The following TM2D2 variants were observed in gnomAD, a reference collection of about 807,000 sequenced individuals.
The protein encoded by TM2D2 is TM2 domain containing 2.
TM2D2 carries 19 observed loss-of-function variants against 23.0 expected under a neutral mutation model. That is an observed-to-expected ratio of 0.82 (90% CI 0.58 to 1.21). TM2D2 has a LOEUF of 1.21. TM2D2 is among the 50% of genes most tolerant of loss of function. The pLI, the probability that TM2D2 is intolerant of heterozygous loss-of-function variation, is 0.00. For missense variants in TM2D2, 246 were observed against 265.4 expected, an observed-to-expected ratio of 0.93 and a Z score of 0.51; for synonymous variants, 120 against 108.8, an observed-to-expected ratio of 1.10 and a Z score of -0.64.
chr8:38,994,482 G>T (rs1022990631), intron 2 of TM2D2, among the ~76,000 whole-genome samples: 1 of 152,146 alleles, frequency 6.6e-6, no homozygotes. Flanking sequence ...ATTATCAACA[G>T]AGTAAAATTT....
Position 38,990,785 on chromosome 8 carries a change from G to C in TM2D2, c.*547C>G, listed in dbSNP as rs1835578090. 1 of 153,978 alleles carries C rather than the reference G, an allele frequency of 6.5e-6. No individual in the cohort carries two copies. Among genetic ancestry groups the C allele is most frequent in the African/African-American group, 2.4e-5 (1 of 41,430 alleles). The allele number at this position is 153,978 out of a possible 1,614,324, so 9.5% of individuals were successfully genotyped here. A position where few individuals can be genotyped will look rare whatever the true frequency, so the allele number is the denominator to read the frequency against. On this transcript the variant is annotated 3_prime_UTR_variant, in exon 4 of 4. Transcript: ENST00000456397. ...TAATTTTGAGTTTATTCCCCCTACT[G>C]AAAATACTCATACAGTACTCCAAGT... is the stretch of plus-strand genomic sequence containing the variant.
chr8:38,990,975 T>G lies in TM2D2; in HGVS notation c.*357A>C. On this transcript the variant is annotated 3_prime_UTR_variant, in exon 4 of 4. Transcript: ENST00000456397. ...GGAACATGGATCCAAATATTCATTTTGCTCAACTTGTTAGGTCCACTTGCT... is the reference window on the plus strand; with the variant it reads ...GGAACATGGATCCAAATATTCATTTGGCTCAACTTGTTAGGTCCACTTGCT... 1 of 242,882 alleles carries G rather than the reference T, an allele frequency of 4.1e-6. No homozygotes were observed. Among genetic ancestry groups the G allele is most frequent in the Admixed American group, 5.1e-5 (1 of 19,526 alleles). The allele number at this position is 242,882 out of a possible 1,614,324, so 15.0% of individuals were successfully genotyped here.
At position 38,996,410 on chromosome 8, in the gene TM2D2, G is replaced by C; in HGVS notation, c.30C>G (p.Tyr10Ter). 6.2e-7 allele frequency: 1 copy of C among 1,614,192 alleles called. No individual in the cohort carries two copies. The highest frequency in any genetic ancestry group is 8.5e-7 in the Non-Finnish European group (1 of 1,180,042). ...AAGCCGCCTGGCCGCACAGAAGTAA[G>C]TAACTAACCGGGCAACCACCTAGCA... MVLGGCPVS[Y>*]LLLCGQAALL... The change falls in exon 1 of 4, where the codon TAC becomes TAG. Residue 10 changes from tyrosine to a stop codon, truncating the protein, a stop_gained. Transcript: ENST00000456397. LOFTEE classifies it high-confidence loss of function.
rs142263251 is a variant in TM2D2 at position 38,994,662 on chromosome 8, C to T, written c.315+656G>A. On this transcript the variant is annotated intron_variant, in intron 2 of 3. Transcript: ENST00000456397. ...TGCATTATGTGGCATAATAGGATGG[C>T]GAGTCCATGGTGGGGAGGAGATACA... Among the ~76,000 whole-genome samples, 174 of 152,180 alleles carry T rather than the reference C, an allele frequency of 1.1e-3. 4 individuals are homozygous for T. In the East Asian group the frequency reaches 0.025, roughly 22 times the overall value.
At chr8:38,993,510 C>T in intron 3 of TM2D2, 35 bp downstream of exon 3, 1 of 1,510,518 alleles carries the variant, frequency 6.6e-7, no homozygotes, top group Non-Finnish European at 9.2e-7. Flanking sequence ...TACCTCCAAC[C>T]AAGTACCAAC....
chr8:38,992,472 C>T (rs1835631892), intron 3 of TM2D2, among the ~76,000 whole-genome samples: 1 of 143,440 alleles, frequency 7.0e-6, no homozygotes, highest in Non-Finnish European at 1.5e-5. Flanking sequence ...GGCAATGGAA[C>T]AAGACCCCAT....
chr8:38,996,986 C>T (rs757772999), upstream of TM2D2: 10 of 1,544,184 alleles, frequency 6.5e-6, no homozygotes, highest in African/African-American at 8.2e-5. Flanking sequence ...CTTGGGGCCC[C>T]GGCAGGGTTG....
chr8:38,992,459 C>A (rs949238490), intron 3 of TM2D2, among the ~76,000 whole-genome samples: 3 of 150,702 alleles, frequency 2.0e-5, no homozygotes, highest in African/African-American at 7.3e-5. Context: ...ACACTCCAGC[C>A]TGGGCAATGG....
intron 2 of TM2D2, chr8:38,995,037 AGGG>A (rs1835714793): frequency 9.0e-6 from 3 of 333,426 alleles, no homozygotes; most frequent in African/African-American, 6.5e-5. Flanking sequence ...AAGGAGAGTC[AGGG>A]GTGACATTTT....
chr8:38,995,362 C>T lies in TM2D2; in HGVS notation c.271G>A (p.Gly91Arg). The T allele has an allele frequency of 6.2e-7, 1 of 1,607,088 alleles. No individual in the cohort carries two copies. Among genetic ancestry groups the T allele is most frequent in the Non-Finnish European group, 8.5e-7 (1 of 1,177,918 alleles). ...AGTTCCTGGGATGCAGTTGCATTTC[C>T]AACATGATCCACTGGGTCTTCACAT... ...IECEDPVDHV[G>R]NATASQELGY... Residue 91 changes from glycine (G) to arginine (R), a missense_variant, in exon 2 of 4, where the codon GGA becomes AGA. By Grantham distance (125) the Gly-to-Arg change is moderately radical (BLOSUM62 -2). Transcript: ENST00000456397.
intron 1 of TM2D2, chr8:38,995,623 T>G: frequency 6.9e-7 from 1 of 1,442,586 alleles, no homozygotes. Context: ...GGGAGGTGTT[T>G]CTGGTCCTGT....
Position 38,995,311 on chromosome 8 carries a change from A to C in TM2D2, c.315+7T>G. Reference sequence around the variant, plus strand: ...GGGTTTGCTCTTACGACAAAACAAAAACTCACCTTGAGACAACCATAACCA... The same window carrying C: ...GGGTTTGCTCTTACGACAAAACAAACACTCACCTTGAGACAACCATAACCA... On this transcript the variant is annotated splice_region_variant and intron_variant, in intron 2 of 3. Coordinates refer to ENST00000456397, the MANE Select transcript of TM2D2 (RefSeq NM_078473.3). 2 of 1,579,680 alleles carry C rather than the reference A, an allele frequency of 1.3e-6. No individual in the cohort carries two copies. Among genetic ancestry groups the C allele is most frequent in the South Asian group, 2.3e-5 (2 of 85,884 alleles).
At chr8:38,996,707 C>T (rs1835816002), upstream of TM2D2, 1 of 1,420,488 alleles carries the variant, frequency 7.0e-7, no homozygotes, top group Non-Finnish European at 9.2e-7. Flanking sequence ...GCGCCGAATG[C>T]GTTCTCCAAT....
chr8:38,995,515 G>A, intron 1 of TM2D2, 110 bp from the exon 2 acceptor site: 1 of 1,569,384 alleles, frequency 6.4e-7, no homozygotes, highest in Non-Finnish European at 8.6e-7. Context: ...AAGTTTTCTG[G>A]GGTTCGGTTT....
intron 1 of TM2D2, 129 bp downstream of exon 1, chr8:38,996,084 C>T: frequency 8.9e-7 from 1 of 1,124,080 alleles, no homozygotes; most frequent in Non-Finnish European, 1.2e-6. Flanking sequence ...ATGATATTTG[C>T]CTCCGGAACG....
chr8:38,996,575 G>T, upstream of TM2D2: 1 of 1,468,610 alleles, frequency 6.8e-7, no homozygotes, highest in Admixed American at 2.5e-5. Flanking sequence ...TGGACGCGCA[G>T]CTCGACGCTC....
At position 38,996,380 on chromosome 8, in the gene TM2D2, C is replaced by G. The variant is rs767516481; in HGVS notation, c.60G>C (p.Leu20=). The G allele has an allele frequency of 6.2e-7, 1 of 1,614,226 alleles. No homozygotes were observed. The highest frequency in any genetic ancestry group is 8.5e-7 in the Non-Finnish European group (1 of 1,180,034). The change falls in exon 1 of 4, where the codon CTG becomes CTC. Residue 20 remains leucine (L), a synonymous_variant. Transcript: ENST00000456397. ...YLLLCGQAAL[L]LGNLLLLHCV... ...AATGCAGCAGAAGTAAATTCCCCAG[C>G]AGCAAAGCCGCCTGGCCGCACAGAA...
chr8:38,994,216 C>T (rs1362822563), intron 2 of TM2D2, among the ~76,000 whole-genome samples: 2 of 152,100 alleles, frequency 1.3e-5, no homozygotes, highest in Non-Finnish European at 2.9e-5. Context: ...ATCTGTGGGA[C>T]ACCTGTTAAG....
rs1835753778 is a variant in TM2D2 at position 38,995,753 on chromosome 8, T to C, written c.228-348A>G. 4 of 1,268,086 alleles carry C rather than the reference T, an allele frequency of 3.2e-6. No individual in the cohort carries two copies. In the East Asian group the frequency reaches 1.4e-4, roughly 44 times the overall value. 78.6% of individuals were successfully genotyped at this position (1,268,086 alleles called of 1,614,324 possible). On this transcript the variant is annotated intron_variant, in intron 1 of 3. Transcript: ENST00000456397. ...CCTCTTTGCATTTCCCAAATGCCTT[T>C]TCTTGTTTGATCAAAAAGAGATGTT...
Sources: gnomAD v4.1 joint callset for allele counts (sites outside exome capture counted in the v4.1 genomes callset) on GRCh38, gnomAD v4.1.1 for gene constraint, MANE v1.5 for transcripts, NCBI Gene and HGNC (gene_info 2026-07-23, HGNC 2026-07-21) for gene names.